Variants in RICTOR observed in about 807,000 individuals in gnomAD.
The protein encoded by RICTOR is RPTOR independent companion of MTOR complex 2, also known as rapamycin-insensitive companion of mTOR.
Under a neutral mutation model 214.9 loss-of-function variants are expected in RICTOR, and 49 were observed. The observed-to-expected ratio is 0.23, with a 90% CI of 0.18 to 0.29. The LOEUF (loss-of-function observed/expected upper bound fraction) is 0.29, where lower values mean the gene tolerates loss of function less well. RICTOR is among the 10% of genes least tolerant of loss of function. The probability of loss-of-function intolerance (pLI) is 1.00; values close to 1 mark genes in which losing one functional copy is unlikely to be tolerated. For synonymous variants in RICTOR, 717 were observed against 711.3 expected, an observed-to-expected ratio of 1.01 and a Z score of -0.13; for missense variants, 1,625 against 2,047.0, an observed-to-expected ratio of 0.79 and a Z score of 3.98.
chr5:38,947,204 A>G, intron 32 of RICTOR, 60 bp downstream of exon 32: 1 of 1,226,340 alleles, frequency 8.2e-7, no homozygotes. Context: ...GTAAGCAGTT[A>G]CAGCATATGA....
At position 38,967,955 on chromosome 5, in the gene RICTOR, G is replaced by C; in HGVS notation, c.1048C>G (p.Leu350Val). 3 of 1,563,118 alleles carry C rather than the reference G, an allele frequency of 1.9e-6. No individual in the cohort carries two copies. The highest frequency in any genetic ancestry group is 2.6e-6 in the Non-Finnish European group (3 of 1,133,844). The change falls in exon 12 of 38, where the codon CTA becomes GTA. Residue 350 changes from leucine to valine, a missense_variant. By Grantham distance (32) the Leu-to-Val change is conservative. This residue lies in a region of RICTOR where 258 missense variants were observed against 393.7 expected (regional missense o/e 0.66). Transcript: ENST00000357387. ...PVVTEEFIEA[L>V]LSVDPGRFQD... is the part of the protein sequence containing the mutation. ...CTTCAATACTTACCTACACTGAGTA[G>C]TGCTTCTATGAACTCCTCAGTCACA...
chr5:39,032,690 T>C (rs1756357368), intron 2 of RICTOR, among the ~76,000 whole-genome samples: 1 of 152,216 alleles, frequency 6.6e-6, no homozygotes, highest in South Asian at 2.1e-4. Context: ...CAGAAACTGC[T>C]GGGAGAACCA....
intron 7 of RICTOR, among the ~76,000 whole-genome samples, chr5:38,984,220 A>AC (rs70982525): frequency 0.95 from 145,235 of 152,196 alleles, 69,403 homozygotes; most frequent in East Asian, 0.99. Flanking sequence ...GTTTCCGAAT[A>AC]ACATAAAAAC....
At chr5:38,980,119 T>C (rs558279535) in intron 8 of RICTOR, among the ~76,000 whole-genome samples, 4 of 152,346 alleles carry the variant, frequency 2.6e-5, no homozygotes, top group African/African-American at 9.6e-5. Flanking sequence ...TATCCAATTA[T>C]ATGATAAAAT....
At chr5:38,973,366 T>C (rs1750944442) in intron 10 of RICTOR, among the ~76,000 whole-genome samples, 1 of 152,196 alleles carries the variant, frequency 6.6e-6, no homozygotes, top group Non-Finnish European at 1.5e-5. Context: ...GAGGACTATG[T>C]CTGCAACTTC....
intron 7 of RICTOR, among the ~76,000 whole-genome samples, chr5:38,982,745 G>T (rs1263950617): frequency 6.6e-6 from 1 of 151,016 alleles, no homozygotes; most frequent in African/African-American, 2.4e-5. Flanking sequence ...AACAACCTAG[G>T]TTAACAGTTT....
chr5:38,954,060 G>A lies in RICTOR; in HGVS notation c.2698-507C>T, dbSNP rs764160241. Among the ~76,000 whole-genome samples the A allele has an allele frequency of 1.5e-4, 23 of 151,254 alleles. No homozygotes were observed. The Middle Eastern group carries it at 0.01, about 67-fold the overall frequency. ...ACTTGTCCCAACAGTTTTCACAGACGTAATATAAAAACACATGAAACTATA... is the reference window on the plus strand; with the variant it reads ...ACTTGTCCCAACAGTTTTCACAGACATAATATAAAAACACATGAAACTATA... On this transcript the variant is annotated intron_variant, in intron 27 of 37. Coordinates refer to ENST00000357387, the MANE Select transcript of RICTOR (RefSeq NM_152756.5).
intron 36 of RICTOR, chr5:38,943,374 T>G (rs1376316926): frequency 6.2e-6 from 1 of 162,168 alleles, no homozygotes; most frequent in Non-Finnish European, 1.3e-5. Context: ...AATAGCAGCT[T>G]TTAGCTAGGA....
chr5:39,068,966 G>A (rs1759103834), intron 2 of RICTOR, among the ~76,000 whole-genome samples: 1 of 152,160 alleles, frequency 6.6e-6, no homozygotes, highest in Non-Finnish European at 1.5e-5. Flanking sequence ...TTGAGTTTTA[G>A]CCCTTTAAAA....
intron 3 of RICTOR, among the ~76,000 whole-genome samples, chr5:39,011,034 T>C (rs1242088504): frequency 6.6e-6 from 1 of 152,108 alleles, no homozygotes; most frequent in Non-Finnish European, 1.5e-5. Flanking sequence ...GGGAAAAATG[T>C]CTCCAAGGCA....
At chr5:39,061,826 A>G (rs1758560709) in intron 2 of RICTOR, among the ~76,000 whole-genome samples, 1 of 152,048 alleles carries the variant, frequency 6.6e-6, no homozygotes, top group Non-Finnish European at 1.5e-5. Flanking sequence ...TTTCAAATAT[A>G]TAACTTTTTT....
At chr5:39,066,241 T>C (rs1432045677) in intron 2 of RICTOR, among the ~76,000 whole-genome samples, 2 of 152,230 alleles carry the variant, frequency 1.3e-5, no homozygotes, top group African/African-American at 4.8e-5. Flanking sequence ...TTGCACCCTT[T>C]GAAGCAGCAG....
intron 2 of RICTOR, among the ~76,000 whole-genome samples, chr5:39,052,077 T>C (rs554083418): frequency 8.5e-5 from 13 of 152,124 alleles, no homozygotes; most frequent in Non-Finnish European, 1.6e-4. Flanking sequence ...AGCCACATGA[T>C]TGCAAGGGTA....
In RICTOR at chr5:38,981,886, C is replaced by T. The variant is rs1263964007; in HGVS notation, c.734G>A (p.Arg245Gln). 3 of 1,611,276 alleles carry T rather than the reference C, an allele frequency of 1.9e-6. No homozygotes were observed. The highest frequency in any genetic ancestry group is 1.3e-5 in the African/African-American group (1 of 74,846). The change falls in exon 8 of 38, where the codon CGA (arginine) becomes CAA (glutamine). Residue 245 changes from arginine to glutamine, a missense_variant. This residue lies in a region of RICTOR where 258 missense variants were observed against 393.7 expected (regional missense o/e 0.66). Transcript: ENST00000357387. Reference sequence around the variant, plus strand: ...TCCTACCTCTAATTCTACATCAGCTCGCACATACTGTCGAGTCTTTGGATG... The same window carrying T: ...TCCTACCTCTAATTCTACATCAGCTTGCACATACTGTCGAGTCTTTGGATG... ...LNHPKTRQYV[R>Q]ADVELERILA... is the part of the protein sequence containing the mutation.
rs959715345 is a variant in RICTOR, at chr5:38,941,732, T to C, written c.*572A>G. 1.3e-5 allele frequency: 3 copies of C among 232,212 alleles called. No individual in the cohort carries two copies. The highest frequency in any genetic ancestry group is 6.1e-5 in the East Asian group (1 of 16,348). The allele number at this position is 232,212 out of a possible 1,614,324, so 14.4% of individuals were successfully genotyped here. A position where few individuals can be genotyped will look rare whatever the true frequency, so the allele number is the denominator to read the frequency against. On this transcript the variant is annotated 3_prime_UTR_variant, in exon 38 of 38. Transcript: ENST00000357387. The stretch of plus-strand genomic sequence containing the variant: ...TCCCGGGTTGTTGAGGCTCTTCTTC[T>C]GCTTTGAGGTTATAAACCTCTGAAG...
chr5:38,980,192 T>A (rs1411543375), intron 8 of RICTOR, among the ~76,000 whole-genome samples: 6 of 152,220 alleles, frequency 3.9e-5, no homozygotes, highest in Non-Finnish European at 8.8e-5. Flanking sequence ...TGTTTTAATG[T>A]CTTTTTCCTC....
rs1747349313 is a variant in RICTOR, at chr5:38,939,886, G to A, written c.*2418C>T. On this transcript the variant is annotated 3_prime_UTR_variant, in exon 38 of 38. Transcript: ENST00000357387. ...TAATTTAATATTTTTAAACACTTAA[G>A]TTAATCACTTGGCACTGCATGTATT... is the stretch of plus-strand genomic sequence containing the variant. 4.5e-6 allele frequency: 1 copy of A among 223,174 alleles called. No individual in the cohort carries two copies. Among genetic ancestry groups the A allele is most frequent in the African/African-American group, 2.4e-5 (1 of 42,488 alleles). 13.8% of individuals were successfully genotyped at this position (223,174 alleles called of 1,614,324 possible).
rs1317543127 is a variant in RICTOR, at chr5:38,939,204, A to C, written c.*3100T>G. 2 of 232,952 alleles carry C rather than the reference A, an allele frequency of 8.6e-6. No individual in the cohort carries two copies. The highest frequency in any genetic ancestry group is 4.4e-5 in the African/African-American group (2 of 45,328). The allele number at this position is 232,952 out of a possible 1,614,324, so 14.4% of individuals were successfully genotyped here. ...TATATAAATAGCAGTAGGAAAATGT[A>C]AATAAGCATTGATATCCCACTGCTG... On this transcript the variant is annotated 3_prime_UTR_variant, in exon 38 of 38. Transcript: ENST00000357387.
intron 2 of RICTOR, among the ~76,000 whole-genome samples, chr5:39,071,855 T>A (rs1038986713): frequency 2.6e-5 from 4 of 152,202 alleles, no homozygotes; most frequent in Non-Finnish European, 5.9e-5. Flanking sequence ...AACAAAAAAA[T>A]TTTTGGTTGC....
Sources: allele counts gnomAD v4.1 joint callset (sites outside exome capture counted in the v4.1 genomes callset), GRCh38; gene constraint gnomAD v4.1.1; regional missense constraint gnomAD v4.1.1; transcripts MANE v1.5; gene names NCBI Gene and HGNC (gene_info 2026-07-23, HGNC 2026-07-21).